Variants in RAD9B observed in about 807,000 individuals in gnomAD.
RAD9B encodes cell cycle checkpoint control protein RAD9B.
RAD9B carries 41 observed loss-of-function variants against 48.3 expected under a neutral mutation model. The ratio of observed to expected loss-of-function variants is 0.85; its 90% CI spans 0.66 to 1.10. The LOEUF (loss-of-function observed/expected upper bound fraction) is 1.10. Among genes scored for constraint, RAD9B ranks in the 50% least tolerant of loss-of-function variants. The pLI is 0.00. For synonymous variants in RAD9B, 160 were observed against 157.9 expected (o/e 1.01, Z -0.10); for missense variants, 444 against 485.1 (o/e 0.92, Z 0.80).
chr12:110,506,701 T>A lies in RAD9B; in HGVS notation c.388+8T>A. 1 of 1,310,064 alleles carries A rather than the reference T, an allele frequency of 7.6e-7. No homozygotes were observed. Among genetic ancestry groups the A allele is most frequent in the Non-Finnish European group, 1.1e-6 (1 of 912,392 alleles). The allele number at this position is 1,310,064 out of a possible 1,614,324, so 81.2% of individuals were successfully genotyped here. On this transcript the variant is annotated splice_region_variant and intron_variant, in intron 4 of 10. Transcript: ENST00000409300. ...AATTCTTCTACAGACATGGTAGGTATAATTAAAAGTGGTTTAAAATACTAT... is the reference window on the plus strand; with the variant it reads ...AATTCTTCTACAGACATGGTAGGTAAAATTAAAAGTGGTTTAAAATACTAT...
intron 6 of RAD9B, among the ~76,000 whole-genome samples, chr12:110,516,650 A>G (rs2063608163): frequency 6.6e-6 from 1 of 152,022 alleles, no homozygotes; most frequent in Non-Finnish European, 1.5e-5. Flanking sequence ...TCTCTATTAA[A>G]ATACAAAAAA....
chr12:110,530,728 T>C lies in RAD9B; in HGVS notation c.*75T>C. 3 of 1,597,504 alleles carry C rather than the reference T, an allele frequency of 1.9e-6. No individual in the cohort carries two copies. Among genetic ancestry groups the C allele is most frequent in the Non-Finnish European group, 2.6e-6 (3 of 1,172,288 alleles). Reference sequence around the variant, plus strand: ...CCCCTCAAGCACGAGTTTGCATGTTTAGTGTCTAAAAGAGGTTGTCCAGGA... The same window carrying C: ...CCCCTCAAGCACGAGTTTGCATGTTCAGTGTCTAAAAGAGGTTGTCCAGGA... On this transcript the variant is annotated 3_prime_UTR_variant, in exon 11 of 11. Transcript: ENST00000409300.
At chr12:110,506,168 GAGCC>G (rs1451490925) in intron 3 of RAD9B, among the ~76,000 whole-genome samples, 1 of 151,674 alleles carries the variant, frequency 6.6e-6, no homozygotes, top group East Asian at 1.9e-4. Context: ...TTACAGGCGT[GAGCC>G]AGTGCACCTG....
At chr12:110,512,693 T>G in intron 4 of RAD9B, 86 bp from the exon 5 acceptor site, 1 of 637,072 alleles carries the variant, frequency 1.6e-6, no homozygotes, top group South Asian at 1.9e-5. Context: ...CTTTATTACT[T>G]TAATTTGGCT....
At chr12:110,509,241 T>C (rs1041628001) in intron 4 of RAD9B, among the ~76,000 whole-genome samples, 1 of 152,014 alleles carries the variant, frequency 6.6e-6, no homozygotes, top group Non-Finnish European at 1.5e-5. Context: ...GTGCTGGAAT[T>C]ACAGGCATAA....
chr12:110,520,007 T>C (rs2063726606), intron 9 of RAD9B, 91 bp downstream of exon 9: 1 of 1,393,684 alleles, frequency 7.2e-7, no homozygotes, highest in Admixed American at 2.4e-5. Flanking sequence ...TAGGAAACAA[T>C]TGAGGAGTGA....
chr12:110,531,344 C>A lies in RAD9B; in HGVS notation c.*691C>A. 1 of 412,464 alleles carries A rather than the reference C, an allele frequency of 2.4e-6. No individual in the cohort carries two copies. Among genetic ancestry groups the A allele is most frequent in the South Asian group, 2.4e-5 (1 of 40,856 alleles). The allele number at this position is 412,464 out of a possible 1,614,324, so 25.6% of individuals were successfully genotyped here. A position where few individuals can be genotyped will look rare whatever the true frequency, so the allele number is the denominator to read the frequency against. The stretch of plus-strand genomic sequence containing the variant: ...TGCAGCTGGGATTGCAGGTGCGTGC[C>A]ACCATGCCTGGCTAATTTCTGGTAT... On this transcript the variant is annotated 3_prime_UTR_variant, in exon 11 of 11. Transcript: ENST00000409300.
intron 8 of RAD9B, 76 bp from the exon 9 acceptor site, chr12:110,519,718 T>G: frequency 1.3e-6 from 2 of 1,486,730 alleles, no homozygotes; most frequent in Non-Finnish European, 1.8e-6. Flanking sequence ...AGTCCAGAAT[T>G]AAGTATCATT....
chr12:110,511,795 ATAATTACACAGT>A (rs1431352661), intron 4 of RAD9B, among the ~76,000 whole-genome samples: 2 of 152,188 alleles, frequency 1.3e-5, no homozygotes. Context: ...TCCTGGCTTG[ATAATTACACAGT>A]CTGTGCATGT....
At chr12:110,506,011 A>C (rs1208183022) in intron 3 of RAD9B, among the ~76,000 whole-genome samples, 1 of 151,690 alleles carries the variant, frequency 6.6e-6, no homozygotes, top group Non-Finnish European at 1.5e-5. Flanking sequence ...CAGCCTCCCA[A>C]GTAGCTGGGA....
At chr12:110,510,472 G>A (rs1405770653) in intron 4 of RAD9B, among the ~76,000 whole-genome samples, 1 of 152,096 alleles carries the variant, frequency 6.6e-6, no homozygotes, top group Non-Finnish European at 1.5e-5. Flanking sequence ...TGTGAGTTCC[G>A]AGCTGAGTCC....
chr12:110,522,485 A>T (rs559423260), intron 10 of RAD9B, 74 bp downstream of exon 10: 4 of 990,974 alleles, frequency 4.0e-6, no homozygotes, highest in Non-Finnish European at 6.1e-6. Context: ...TTCCTCCCCA[A>T]TCCCCACCCA....
At chr12:110,510,599 T>C (rs749631105) in intron 4 of RAD9B, among the ~76,000 whole-genome samples, 3 of 152,180 alleles carry the variant, frequency 2.0e-5, no homozygotes, top group Non-Finnish European at 4.4e-5. Context: ...GTTGTCCCAG[T>C]TGAGGCCCCA....
At chr12:110,508,228 A>C (rs1259966930) in intron 4 of RAD9B, 1 of 169,202 alleles carries the variant, frequency 5.9e-6, no homozygotes, top group African/African-American at 2.4e-5. Flanking sequence ...TGAAGTGGAG[A>C]TGATCATGCC....
chr12:110,511,633 G>A (rs1468848141), intron 4 of RAD9B: 3 of 255,896 alleles, frequency 1.2e-5, no homozygotes, highest in African/African-American at 2.3e-5. Flanking sequence ...CAGTTAGGTA[G>A]AAGGAATAAG....
chr12:110,508,106 C>T (rs2135665341), intron 4 of RAD9B: 1 of 169,248 alleles, frequency 5.9e-6, no homozygotes, highest in East Asian at 1.9e-4. Context: ...ATTCAAAGAG[C>T]ATGATTAAAA....
At chr12:110,511,317 C>T (rs919070454) in intron 4 of RAD9B, 31 of 184,340 alleles carry the variant, frequency 1.7e-4, no homozygotes, top group Non-Finnish European at 2.9e-4. Flanking sequence ...AGCAAAGTTA[C>T]GGAATCAAGC....
At chr12:110,514,471 A>C (rs2063553927) in intron 5 of RAD9B, among the ~76,000 whole-genome samples, 2 of 152,218 alleles carry the variant, frequency 1.3e-5, no homozygotes, top group Non-Finnish European at 2.9e-5. Flanking sequence ...ACAATTTTCA[A>C]TCTGTGAATT....
At position 110,505,649 on chromosome 12, in the gene RAD9B, A is replaced by G. The variant is rs763187811; in HGVS notation, c.150A>G (p.Ser50=). Residue 50 remains serine, a synonymous_variant, in exon 3 of 11, where the codon TCA becomes TCG. Transcript: ENST00000409300. ...TAAGATGTGTGAATTCTTCTCGGTCAGCATATGGATGTGTCCTGTTCTCTC... is the reference window on the plus strand; with the variant it reads ...TAAGATGTGTGAATTCTTCTCGGTCGGCATATGGATGTGTCCTGTTCTCTC... ...LALRCVNSSR[S]AYGCVLFSPV... is the part of the protein sequence containing the mutation. The G allele has an allele frequency of 1.3e-6, 2 of 1,568,824 alleles. No homozygotes were observed. Among genetic ancestry groups the G allele is most frequent in the South Asian group, 2.3e-5 (2 of 85,262 alleles).
Sources: allele counts gnomAD v4.1 joint callset (sites outside exome capture counted in the v4.1 genomes callset), GRCh38; gene constraint gnomAD v4.1.1; transcripts MANE v1.5; gene names NCBI Gene and HGNC (gene_info 2026-07-23, HGNC 2026-07-21).